TENT5D: variants seen among roughly 807,000 people sequenced by gnomAD.
The protein encoded by TENT5D is cancer/testis antigen 112.
For missense variants in TENT5D, 191 were observed against 287.0 expected, an observed-to-expected ratio of 0.67 and a Z score of 2.42; for synonymous variants, 103 against 100.6, an observed-to-expected ratio of 1.02 and a Z score of -0.15.
chrX:80,436,031 C>G (rs902953746), intron 1 of TENT5D, among the ~76,000 whole-genome samples: 14 of 111,702 alleles, frequency 1.3e-4, no homozygotes, highest in Non-Finnish European at 1.9e-4. Context: ...AACATGAGGT[C>G]AACTTTCAGT....
chrX:80,422,337 G>T (rs1003105806), intron 1 of TENT5D, among the ~76,000 whole-genome samples: 2 of 111,227 alleles, frequency 1.8e-5, no homozygotes, highest in Admixed American at 1.9e-4. Flanking sequence ...GCTGGGCATG[G>T]CAGCGCATGC....
intron 3 of TENT5D, among the ~76,000 whole-genome samples, chrX:80,410,525 A>T (rs1931633180): frequency 1.0e-5 from 1 of 97,465 alleles, no homozygotes; most frequent in African/African-American, 3.7e-5. Flanking sequence ...AGAGAAATGC[A>T]AATCAAAACC....
chrX:80,402,600 T>A (rs1180994823), intron 3 of TENT5D, among the ~76,000 whole-genome samples: 2 of 112,291 alleles, frequency 1.8e-5, no homozygotes, highest in Non-Finnish European at 3.8e-5. Context: ...CCATTTTCAT[T>A]TGTCTCCAGA....
intron 3 of TENT5D, among the ~76,000 whole-genome samples, chrX:80,388,312 C>T (rs1931061034): frequency 9.0e-6 from 1 of 111,432 alleles, no homozygotes; most frequent in Non-Finnish European, 1.9e-5. Flanking sequence ...GGGAGTCTTT[C>T]TGGATAGACA....
intron 2 of TENT5D, among the ~76,000 whole-genome samples, chrX:80,439,636 T>G (rs1569376123): frequency 9.0e-6 from 1 of 110,911 alleles, no homozygotes; most frequent in South Asian, 3.7e-4. Context: ...AGCATAACAT[T>G]ATTGTCAAAT....
chrX:80,369,496 G>C (rs1217449391), intron 3 of TENT5D, among the ~76,000 whole-genome samples: 1 of 111,604 alleles, frequency 9.0e-6, no homozygotes, highest in Non-Finnish European at 1.9e-5. Context: ...AAATGAGTTA[G>C]CTAGCATTTA....
intron 3 of TENT5D, among the ~76,000 whole-genome samples, chrX:80,345,285 GT>G (rs888081829): frequency 9.0e-6 from 1 of 111,260 alleles, no homozygotes; most frequent in African/African-American, 3.3e-5. Flanking sequence ...ATTCCTTCCA[GT>G]TTCGCTTGAG....
chrX:80,402,098 T>A (rs908372461), intron 3 of TENT5D, among the ~76,000 whole-genome samples: 4 of 111,581 alleles, frequency 3.6e-5, no homozygotes, highest in African/African-American at 1.3e-4. Flanking sequence ...TGTTAAGATA[T>A]TCTATATTTT....
At chrX:80,389,891 A>G (rs1214117317) in intron 3 of TENT5D, among the ~76,000 whole-genome samples, 2 of 111,987 alleles carry the variant, frequency 1.8e-5, no homozygotes, top group Non-Finnish European at 3.8e-5. Flanking sequence ...GGTAGTGTTT[A>G]TTGAGAATGG....
intron 3 of TENT5D, among the ~76,000 whole-genome samples, chrX:80,392,662 G>A (rs1244973312): frequency 2.9e-5 from 3 of 103,722 alleles, no homozygotes; most frequent in Non-Finnish European, 3.9e-5. Context: ...GAGTACAGGC[G>A]CCCGCCACCG....
At chrX:80,427,894 A>G (rs772869851) in intron 1 of TENT5D, among the ~76,000 whole-genome samples, 29 of 112,097 alleles carry the variant, frequency 2.6e-4, no homozygotes, top group African/African-American at 8.8e-4. Flanking sequence ...TTATGCATGC[A>G]CCAAGAGTGG....
rs1249626200 is a variant in TENT5D at position 80,442,967 on chromosome X, G to C, written c.428G>C (p.Cys143Ser). The change falls in exon 3 of 3, where the codon TGT (cysteine) becomes TCT (serine). Residue 143 changes from cysteine to serine, a missense_variant. By Grantham distance (112) the Cys-to-Ser change is moderately radical. Coordinates refer to ENST00000308293, the Ensembl canonical transcript of TENT5D. ...GTCAAGGTTTGCAATGGGCATGATT[G>C]TTGGAGTCTTATCTCCCTTTCAAAT... 9.1e-6 allele frequency: 11 copies of C among 1,209,795 alleles called. No individual in the cohort carries two copies. The Admixed American group carries it at 2.4e-4, about 26-fold the overall frequency.
chrX:80,415,988 C>A (rs148724445), upstream of TENT5D, among the ~76,000 whole-genome samples: 165 of 111,523 alleles, frequency 1.5e-3, no homozygotes, highest in African/African-American at 5.2e-3. Flanking sequence ...CTGGTTTGTT[C>A]AGGGATTGAG....
chrX:80,424,496 G>A (rs1249329075), intron 1 of TENT5D, among the ~76,000 whole-genome samples: 1 of 111,938 alleles, frequency 8.9e-6, no homozygotes, highest in Non-Finnish European at 1.9e-5. Flanking sequence ...TATTGTTTTC[G>A]ATTTCTACAT....
intron 3 of TENT5D, among the ~76,000 whole-genome samples, chrX:80,361,027 A>G (rs952217933): frequency 9.0e-6 from 1 of 111,628 alleles, no homozygotes; most frequent in Non-Finnish European, 1.9e-5. Context: ...GTTAGAATCA[A>G]GATCTCCTTC....
Position 80,364,511 on chromosome X carries a change from A to G in TENT5D, c.-142+21947A>G, listed in dbSNP as rs757551669. 4.1e-4 allele frequency among the ~76,000 whole-genome samples: 46 copies of G among 111,151 alleles called. No homozygotes were observed. In the East Asian group the frequency reaches 6.2e-3, roughly 15 times the overall value. On this transcript the variant is annotated intron_variant, in intron 3 of 4. Coordinates refer to the TENT5D transcript ENST00000538312. ...TGAAAACTACTCATTGGGTTTCTCA[A>G]TATGTACTCTATATATAAACTTAAG...
At chrX:80,360,214 G>A (rs991261651) in intron 3 of TENT5D, among the ~76,000 whole-genome samples, 2 of 112,081 alleles carry the variant, frequency 1.8e-5, no homozygotes, top group Non-Finnish European at 3.8e-5. Flanking sequence ...TCAATGGCCA[G>A]AGAACTAGAC....
chrX:80,372,103 C>A (rs757971848), intron 3 of TENT5D, among the ~76,000 whole-genome samples: 29 of 110,511 alleles, frequency 2.6e-4, no homozygotes, highest in Admixed American at 1.8e-3. Flanking sequence ...TCTAAAATTC[C>A]AAAAATCCCA....
chrX:80,390,634 G>A (rs1468564934), intron 3 of TENT5D, among the ~76,000 whole-genome samples: 1 of 111,386 alleles, frequency 9.0e-6, no homozygotes, highest in Non-Finnish European at 1.9e-5. Context: ...TGGGAACATA[G>A]GACTATTGGA....
Sources: allele counts gnomAD v4.1 joint callset (sites outside exome capture counted in the v4.1 genomes callset), GRCh38; gene constraint gnomAD v4.1.1; transcripts MANE v1.5; gene names NCBI Gene and HGNC (gene_info 2026-07-23, HGNC 2026-07-21).